CACNB2: variants seen among roughly 807,000 people sequenced by gnomAD.
CACNB2 encodes the protein voltage-dependent L-type calcium channel subunit beta-2.
A neutral mutation model predicts 73.3 loss-of-function variants in CACNB2; 42 were observed. The ratio of observed to expected loss-of-function variants is 0.57; its 90% confidence interval spans 0.45 to 0.74. The LOEUF is 0.74. Among genes scored for constraint, CACNB2 ranks in the 30% least tolerant of loss-of-function variants. CACNB2 has a pLI of 0.00. For synonymous variants in CACNB2, 348 were observed against 310.3 expected (o/e 1.12, Z -1.28); for missense variants, 940 against 853.0 (o/e 1.10, Z -1.27).
intron 2 of CACNB2, among the ~76,000 whole-genome samples, chr10:18,258,425 G>A (rs2037375215): frequency 6.6e-6 from 1 of 151,930 alleles, no homozygotes; most frequent in African/African-American, 2.4e-5. Context: ...GGTGATGAAG[G>A]GGCCTTAAGA....
rs78297816 is a variant in CACNB2, at chr10:18,171,617, T to C, written c.213+20642T>C. ...AAAAAAAAAAAAGGAAGGACTCTTA[T>C]TTGACTCACTTAGTTTACACACCAC... On this transcript the variant is annotated intron_variant, in intron 2 of 13. Transcript: ENST00000324631. 4.3e-3 allele frequency among the ~76,000 whole-genome samples: 638 copies of C among 148,588 alleles called. 2 individuals carry two copies. Among genetic ancestry groups the C allele is most frequent in the African/African-American group, 0.015 (620 of 40,238 alleles).
At chr10:18,364,137 G>A (rs2042252294) in intron 2 of CACNB2, among the ~76,000 whole-genome samples, 1 of 151,702 alleles carries the variant, frequency 6.6e-6, no homozygotes, top group African/African-American at 2.4e-5. Context: ...GTGGAGATGG[G>A]GTTTTGCCAC....
At chr10:18,409,119 G>A (rs1188810677) in intron 3 of CACNB2, among the ~76,000 whole-genome samples, 1 of 152,090 alleles carries the variant, frequency 6.6e-6, no homozygotes, top group East Asian at 1.9e-4. Context: ...CCAACATGGT[G>A]AAACCCGTTT....
At chr10:18,373,632 C>T (rs2042676718) in intron 2 of CACNB2, among the ~76,000 whole-genome samples, 2 of 152,196 alleles carry the variant, frequency 1.3e-5, no homozygotes. Flanking sequence ...TACTCTGTTC[C>T]TCCCATGAAG....
chr10:18,234,004 C>A (rs1162730527), intron 2 of CACNB2, among the ~76,000 whole-genome samples: 1 of 152,100 alleles, frequency 6.6e-6, no homozygotes, highest in Non-Finnish European at 1.5e-5. Flanking sequence ...TAAAGGAGAC[C>A]AGCAATTCCA....
At chr10:18,312,288 T>C (rs908528782) in intron 2 of CACNB2, among the ~76,000 whole-genome samples, 4 of 152,230 alleles carry the variant, frequency 2.6e-5, no homozygotes, top group Admixed American at 2.0e-4. Flanking sequence ...TCTGTTTCTA[T>C]TGAGCCGAAC....
chr10:18,266,224 A>G (rs1434445018), intron 2 of CACNB2, among the ~76,000 whole-genome samples: 1 of 152,178 alleles, frequency 6.6e-6, no homozygotes, highest in African/African-American at 2.4e-5. Context: ...TCTTCATTTT[A>G]TAGATGAGAA....
chr10:18,343,433 T>C (rs935901550), intron 2 of CACNB2, among the ~76,000 whole-genome samples: 1 of 152,190 alleles, frequency 6.6e-6, no homozygotes, highest in African/African-American at 2.4e-5. Context: ...ATGGTGTGAT[T>C]TGGCAGATTT....
chr10:18,193,955 C>T (rs1365014232), intron 2 of CACNB2, among the ~76,000 whole-genome samples: 1 of 151,870 alleles, frequency 6.6e-6, no homozygotes, highest in African/African-American at 2.4e-5. Flanking sequence ...GTGATAAGTG[C>T]TACAGAAAAA....
intron 2 of CACNB2, among the ~76,000 whole-genome samples, chr10:18,395,796 TCA>T (rs1240962337): frequency 1.3e-5 from 2 of 152,194 alleles, no homozygotes; most frequent in Admixed American, 6.6e-5. Context: ...GATAGGTCAA[TCA>T]CATTTGAGAT....
intron 2 of CACNB2, among the ~76,000 whole-genome samples, chr10:18,192,693 A>G (rs1311597163): frequency 2.0e-5 from 3 of 152,160 alleles, no homozygotes; most frequent in Admixed American, 6.6e-5. Flanking sequence ...TTCTGTCTCT[A>G]TGGATTTATT....
intron 3 of CACNB2, among the ~76,000 whole-genome samples, chr10:18,407,987 A>G (rs1485377756): frequency 6.6e-6 from 1 of 152,080 alleles, no homozygotes; most frequent in Non-Finnish European, 1.5e-5. Context: ...TCTAATGACT[A>G]TATTTATTAT....
At chr10:18,345,547 G>A (rs2041413294) in intron 2 of CACNB2, among the ~76,000 whole-genome samples, 1 of 152,182 alleles carries the variant, frequency 6.6e-6, no homozygotes, top group South Asian at 2.1e-4. Context: ...GTCTGTCTCT[G>A]TATGGGGGAG....
chr10:18,240,161 A>G (rs1488331892), intron 2 of CACNB2, among the ~76,000 whole-genome samples: 2 of 152,232 alleles, frequency 1.3e-5, no homozygotes, highest in Non-Finnish European at 2.9e-5. Flanking sequence ...AACTATGAGT[A>G]TTCTGTTGAC....
In CACNB2 at chr10:18,518,891, A is replaced by T; in HGVS notation, c.886-19A>T. 6.2e-7 allele frequency: 1 copy of T among 1,610,668 alleles called. No homozygotes were observed. The highest frequency in any genetic ancestry group is 8.5e-7 in the Non-Finnish European group (1 of 1,177,058). On this transcript the variant is annotated intron_variant, in intron 8 of 13. Transcript: ENST00000324631. The stretch of plus-strand genomic sequence containing the variant: ...ATTTTTTTTGGTCATATCTTAATTT[A>T]TTGCTTGCTCAATTGCAGGTCACAG...
At chr10:18,381,203 C>T (rs985253746) in intron 2 of CACNB2, among the ~76,000 whole-genome samples, 1 of 150,916 alleles carries the variant, frequency 6.6e-6, no homozygotes, top group Non-Finnish European at 1.5e-5. Flanking sequence ...CCTCGCCTCT[C>T]CTGCCTACTA....
At chr10:18,517,099 G>A (rs747855109) in intron 7 of CACNB2, among the ~76,000 whole-genome samples, 6 of 152,088 alleles carry the variant, frequency 3.9e-5, no homozygotes, top group Non-Finnish European at 5.9e-5. Flanking sequence ...CTTGAGTGAC[G>A]GGCAGATGCA....
At position 18,354,662 on chromosome 10, in the gene CACNB2, T is replaced by TTTAGAGA. The variant is rs1177823950; in HGVS notation, c.214-47262_214-47261insTTAGAGA. Among the ~76,000 whole-genome samples the TTTAGAGA allele has an allele frequency of 6.6e-5, 10 of 152,260 alleles. No individual in the cohort carries two copies. In the East Asian group the frequency reaches 1.4e-3, roughly 21 times the overall value. On this transcript the variant is annotated intron_variant, in intron 2 of 13. Transcript: ENST00000324631. ...TACAACTATAGGGATGGGGGAACTA[T>TTTAGAGA]CTTTAGAGGAGTCTCAGGACCCAGC...
At position 18,150,855 on chromosome 10, in the gene CACNB2, C is replaced by CTTTTTTTT. The variant is rs71402148; in HGVS notation, c.121-10_121-3dup. On this transcript the variant is annotated intron_variant, in intron 1 of 13. Transcript: ENST00000324631. Reference sequence around the variant, plus strand: ...AGGGTCTCATAATAATCTTATTTGTCTTTTTTTTTTTTTTTTTTTTTTTTT... The same window carrying CTTTTTTTT: ...AGGGTCTCATAATAATCTTATTTGTCTTTTTTTTTTTTTTTTTTTTTTTTTTTTTTTTT... 996 of 484,332 alleles carry CTTTTTTTT rather than the reference C, an allele frequency of 2.1e-3. 57 individuals are homozygous for CTTTTTTTT. Among genetic ancestry groups the CTTTTTTTT allele is most frequent in the East Asian group, 3.5e-3 (63 of 17,752 alleles). 30.0% of individuals were successfully genotyped at this position (484,332 alleles called of 1,614,324 possible).
Sources: allele counts gnomAD v4.1 joint callset (sites outside exome capture counted in the v4.1 genomes callset), GRCh38; gene constraint gnomAD v4.1.1; transcripts MANE v1.5; gene names NCBI Gene and HGNC (gene_info 2026-07-23, HGNC 2026-07-21).